The following COL5A1 variants were observed in gnomAD, a reference collection of about 807,000 sequenced individuals.
COL5A1 encodes collagen alpha-1(V) chain.
A neutral mutation model predicts 263.7 loss-of-function variants in COL5A1; 16 were observed. The observed-to-expected ratio is 0.06, with a 90% confidence interval of 0.04 to 0.09. The LOEUF is 0.09. COL5A1 is among the 10% of genes least tolerant of loss of function. The pLI is 1.00. For synonymous variants in COL5A1, 1,012 were observed against 1,004.5 expected (o/e 1.01, Z -0.14); for missense variants, 2,036 against 2,540.5 (o/e 0.80, Z 4.27).
At chr9:134,836,003 T>A (rs1403905818) in intron 65 of COL5A1, among the ~76,000 whole-genome samples, 1 of 152,190 alleles carries the variant, frequency 6.6e-6, no homozygotes. Flanking sequence ...GAGGTGGGAA[T>A]CGCTGAGAAT....
Position 134,742,944 on chromosome 9 carries a change from G to A in COL5A1, c.1494+4136G>A, listed in dbSNP as rs181401689. On this transcript the variant is annotated intron_variant, in intron 11 of 65. Transcript: ENST00000371817. This position sits in a 1 kb window ranked among gnomAD's most constrained non-coding sequence, Gnocchi z 4.6. ...AAAGATTCAGGCCCCAGTGAGTCCC[G>A]CCTTCCATGGACTTCCAGGGCCCAC... Among the ~76,000 whole-genome samples, 221 of 152,140 alleles carry A rather than the reference G, an allele frequency of 1.5e-3. 2 individuals carry two copies. The highest frequency in any genetic ancestry group is 0.014 in the Middle Eastern group (4 of 294).
chr9:134,760,302 C>CA (rs1242431792), intron 18 of COL5A1, among the ~76,000 whole-genome samples: 9 of 98,822 alleles, frequency 9.1e-5, no homozygotes, highest in East Asian at 3.7e-4. Flanking sequence ...CCCACACCCC[C>CA]CACACATACA....
chr9:134,706,826 C>T (rs917905335), intron 4 of COL5A1, among the ~76,000 whole-genome samples: 1 of 152,220 alleles, frequency 6.6e-6, no homozygotes, highest in African/African-American at 2.4e-5. Context: ...AACTCTGGAA[C>T]CTTCCAGGAA....
intron 1 of COL5A1, among the ~76,000 whole-genome samples, chr9:134,685,964 TCCATCCATCCATTAG>T (rs1215283552): frequency 1.3e-5 from 2 of 150,444 alleles, no homozygotes; most frequent in African/African-American, 2.5e-5. Flanking sequence ...CATCCACTCA[TCCATCCATCCATTAG>T]CCATCCATCC....
chr9:134,796,739 G>A lies in COL5A1; in HGVS notation c.2845-109G>A, dbSNP rs1338865018. ...ATAATGGAGGAAAGGCCATGGGGGT[G>A]GGAAGAAATGACACCTGCGTTCAGA... is the stretch of plus-strand genomic sequence containing the variant. On this transcript the variant is annotated intron_variant, in intron 35 of 65. Transcript: ENST00000371817. 2.9e-6 allele frequency: 3 copies of A among 1,027,918 alleles called. No homozygotes were observed. In the African/African-American group the frequency reaches 4.7e-5, roughly 16 times the overall value. The allele number at this position is 1,027,918 out of a possible 1,614,324, so 63.7% of individuals were successfully genotyped here.
intron 59 of COL5A1, 53 bp downstream of exon 59, chr9:134,822,203 A>C: frequency 7.3e-7 from 1 of 1,369,086 alleles, no homozygotes; most frequent in Non-Finnish European, 1.0e-6. Flanking sequence ...GAGGGTGGGG[A>C]TAAGCCTTGG....
intron 2 of COL5A1, among the ~76,000 whole-genome samples, chr9:134,695,876 C>T (rs1833442419): frequency 6.6e-6 from 1 of 152,190 alleles, no homozygotes; most frequent in Admixed American, 6.5e-5. Context: ...TCTCTGGAGC[C>T]CCTCACCTGT....
chr9:134,663,123 G>A (rs576539099), intron 1 of COL5A1, among the ~76,000 whole-genome samples: 4 of 152,378 alleles, frequency 2.6e-5, no homozygotes, highest in East Asian at 3.9e-4. Context: ...CTGAACAACT[G>A]TTCTCTGCAC....
intron 41 of COL5A1, among the ~76,000 whole-genome samples, chr9:134,805,754 G>A (rs975783576): frequency 1.3e-5 from 2 of 152,120 alleles, no homozygotes; most frequent in Non-Finnish European, 2.9e-5. Flanking sequence ...GTGCCCCATG[G>A]GCATGGGGGC....
intron 1 of COL5A1, among the ~76,000 whole-genome samples, chr9:134,665,467 A>G (rs1175834978): frequency 6.6e-6 from 1 of 152,236 alleles, no homozygotes; most frequent in Non-Finnish European, 1.5e-5. Context: ...TAATGGATCC[A>G]TCTCTACTCA....
chr9:134,836,107 C>T (rs1839846394), intron 65 of COL5A1, among the ~76,000 whole-genome samples: 1 of 152,194 alleles, frequency 6.6e-6, no homozygotes, highest in African/African-American at 2.4e-5. Context: ...CTTAGCGCCT[C>T]GCTCCTTTAG....
intron 11 of COL5A1, among the ~76,000 whole-genome samples, chr9:134,740,248 G>A (rs1835254433): frequency 6.6e-6 from 1 of 152,190 alleles, no homozygotes; most frequent in Non-Finnish European, 1.5e-5. Flanking sequence ...ACTCCAGACA[G>A]GCAACAGCGA....
chr9:134,713,576 C>T (rs774707266), intron 4 of COL5A1, among the ~76,000 whole-genome samples: 3 of 152,194 alleles, frequency 2.0e-5, no homozygotes, highest in African/African-American at 4.8e-5. Context: ...TCAGGATAAA[C>T]GTGAGCTTCT....
intron 9 of COL5A1, 110 bp from the exon 10 acceptor site, chr9:134,738,364 C>A: frequency 8.1e-7 from 1 of 1,239,134 alleles, no homozygotes; most frequent in Non-Finnish European, 1.2e-6. Flanking sequence ...ACAGCAGGAG[C>A]TGAGCCAGGG....
chr9:134,745,349 G>A (rs916343669), intron 11 of COL5A1, among the ~76,000 whole-genome samples: 3 of 152,226 alleles, frequency 2.0e-5, no homozygotes, highest in South Asian at 2.1e-4. Context: ...CATGAATGGC[G>A]CCAAGTGCAC....
At chr9:134,723,377 C>T (rs1834537149) in intron 4 of COL5A1, among the ~76,000 whole-genome samples, 1 of 152,214 alleles carries the variant, frequency 6.6e-6, no homozygotes, top group African/African-American at 2.4e-5. Flanking sequence ...AGGGACGCCC[C>T]ATGCTCTGGG....
chr9:134,756,650 G>T (rs1835986248), intron 16 of COL5A1, 115 bp from the exon 17 acceptor site: 1 of 1,157,778 alleles, frequency 8.6e-7, no homozygotes, highest in African/African-American at 1.5e-5. Context: ...TGTGACCTTG[G>T]GGGTGGGCGC....
intron 64 of COL5A1, among the ~76,000 whole-genome samples, chr9:134,831,860 G>A (rs1235784106): frequency 6.6e-6 from 1 of 152,212 alleles, no homozygotes; most frequent in African/African-American, 2.4e-5. Context: ...TTGGGGTGAA[G>A]GGACGACCCA....
intron 31 of COL5A1, among the ~76,000 whole-genome samples, chr9:134,786,866 C>G (rs1251237967): frequency 6.6e-6 from 1 of 152,216 alleles, no homozygotes; most frequent in Admixed American, 6.5e-5. Context: ...TTCGGTCTCA[C>G]TGGAGCAGTC....
Sources: allele counts gnomAD v4.1 joint callset (sites outside exome capture counted in the v4.1 genomes callset), GRCh38; gene constraint gnomAD v4.1.1; non-coding constraint Gnocchi (gnomAD v3.1); transcripts MANE v1.5; gene names NCBI Gene and HGNC (gene_info 2026-07-23, HGNC 2026-07-21).